The following BATF2 variants were observed in gnomAD, a reference collection of about 807,000 sequenced individuals.
BATF2 encodes basic leucine zipper ATF-like transcription factor 2.
BATF2 carries 4 observed loss-of-function variants against 7.3 expected under a neutral mutation model. The observed-to-expected ratio is 0.55, with a 90% confidence interval of 0.27 to 1.26. BATF2 has a LOEUF of 1.26. Among genes scored for constraint, BATF2 ranks in the 50% most tolerant of loss-of-function variants. BATF2 has a pLI of 0.11. For synonymous variants in BATF2, 152 were observed against 153.9 expected, an observed-to-expected ratio of 0.99 and a Z score of 0.09; for missense variants, 295 against 340.5, an observed-to-expected ratio of 0.87 and a Z score of 1.05.
chr11:64,991,205 G>A (rs1480345421), intron 2 of BATF2, among the ~76,000 whole-genome samples: 1 of 144,484 alleles, frequency 6.9e-6, no homozygotes, highest in African/African-American at 2.6e-5. Flanking sequence ...CGCCCAGGCT[G>A]GAGTGCAATG....
Position 64,989,261 on chromosome 11 carries a change from C to T in BATF2, c.693G>A (p.Gly231=), listed in dbSNP as rs1590719384. 5 of 1,609,600 alleles carry T rather than the reference C, an allele frequency of 3.1e-6. No individual in the cohort carries two copies. The highest frequency in any genetic ancestry group is 1.7e-4 in the Middle Eastern group (1 of 6,024). The change falls in exon 3 of 3, where the codon GGG becomes GGA. Residue 231 remains glycine, a synonymous_variant. Coordinates refer to ENST00000301887, the MANE Select transcript of BATF2 (RefSeq NM_138456.4). This position sits in a 1 kb window ranked among gnomAD's most constrained non-coding sequence, Gnocchi z 4.3. ...SSPDNPSSAL[G]LARLQSREHK... is the part of the protein sequence containing the mutation. ...GCTCCCTGCTCTGCAGACGTGCAAG[C>T]CCCAGGGCAGAGGAAGGGTTGTCGG...
At chr11:64,992,146 C>T (rs1946082075) in intron 2 of BATF2, among the ~76,000 whole-genome samples, 1 of 152,178 alleles carries the variant, frequency 6.6e-6, no homozygotes, top group African/African-American at 2.4e-5. Flanking sequence ...ATTCTCCTGC[C>T]TCAGCTACTG....
rs569150936 is a variant in BATF2, at chr11:64,996,639, T to C, written c.39+237A>G. Among the ~76,000 whole-genome samples the C allele has an allele frequency of 3.3e-5, 5 of 152,228 alleles. No individual in the cohort carries two copies. The South Asian group carries it at 1.0e-3, about 32-fold the overall frequency. Reference sequence around the variant, plus strand: ...AGAGAGCAAGTACACAGAGGCCAAGTTCTAAACCGAAGGCTGGATCTGCAA... The same window carrying C: ...AGAGAGCAAGTACACAGAGGCCAAGCTCTAAACCGAAGGCTGGATCTGCAA... On this transcript the variant is annotated intron_variant, in intron 1 of 2. Coordinates refer to ENST00000301887, the MANE Select transcript of BATF2 (RefSeq NM_138456.4).
chr11:64,989,408 A>T lies in BATF2; in HGVS notation c.546T>A (p.Gly182=). ...PSPLLFASHT[G]SSLQGSSSKL... ...TAGAGGAAGACCCCTGCAGGCTGGAACCAGTGTGCGAGGCAAACAGGAGAG... is the reference window on the plus strand; with the variant it reads ...TAGAGGAAGACCCCTGCAGGCTGGATCCAGTGTGCGAGGCAAACAGGAGAG... Residue 182 remains glycine, a synonymous_variant, in exon 3 of 3, where the codon GGT becomes GGA. Coordinates refer to ENST00000301887, the MANE Select transcript of BATF2 (RefSeq NM_138456.4). The surrounding 1 kb of genome is among the most constrained non-coding windows in gnomAD (Gnocchi z 4.3). 1 of 1,593,488 alleles carries T rather than the reference A, an allele frequency of 6.3e-7. No individual in the cohort carries two copies. The highest frequency in any genetic ancestry group is 1.1e-5 in the South Asian group (1 of 87,698).
rs202003520 is a variant in BATF2, at chr11:64,994,548, T to C, written c.41A>G (p.Asp14Gly). The C allele has an allele frequency of 4.8e-5, 77 of 1,597,456 alleles. No homozygotes were observed. In the East Asian group the frequency reaches 1.7e-3, roughly 36 times the overall value. The change falls in exon 2 of 3, where the codon GAC becomes GGC. Residue 14 changes from aspartate to glycine, a missense_variant and splice_region_variant. Coordinates refer to ENST00000301887, the MANE Select transcript of BATF2 (RefSeq NM_138456.4). ...CGGNGLLTQT[D>G]PKEQQRQLKK... is the part of the protein sequence containing the mutation. ...CAGCTGCCTTTGTTGCTCCTTGGGGTCCTGTGGGGCATGAGGCAGAGGACT... is the reference window on the plus strand; with the variant it reads ...CAGCTGCCTTTGTTGCTCCTTGGGGCCCTGTGGGGCATGAGGCAGAGGACT...
At chr11:64,994,942 G>A (rs1411785588) in intron 1 of BATF2, among the ~76,000 whole-genome samples, 3 of 152,010 alleles carry the variant, frequency 2.0e-5, no homozygotes, top group African/African-American at 7.2e-5. Context: ...TCTGACTCCC[G>A]GGTTCAAGCA....
chr11:64,992,501 T>G (rs1341519396), intron 2 of BATF2, among the ~76,000 whole-genome samples: 2 of 152,174 alleles, frequency 1.3e-5, no homozygotes, highest in Non-Finnish European at 2.9e-5. Flanking sequence ...GAAGGTAATT[T>G]AGATTAAATG....
chr11:64,988,910 C>T lies in BATF2; in HGVS notation c.*219G>A, dbSNP rs940168687. On this transcript the variant is annotated 3_prime_UTR_variant, in exon 3 of 3. Coordinates refer to ENST00000301887, the MANE Select transcript of BATF2 (RefSeq NM_138456.4). ...GTCTGAAAAAGTGGAGTGATAATCT[C>T]GATTTCTCAGGTCAACTGTGAGGTT... 4.0e-5 allele frequency: 23 copies of T among 571,498 alleles called. No homozygotes were observed. The highest frequency in any genetic ancestry group is 2.5e-4 in the Admixed American group (8 of 32,132). 35.4% of individuals were successfully genotyped at this position (571,498 alleles called of 1,614,324 possible).
At chr11:64,990,025 G>C in intron 2 of BATF2, 1 of 1,536,138 alleles carries the variant, frequency 6.5e-7, no homozygotes, top group South Asian at 1.2e-5. Flanking sequence ...GCTCAGATCC[G>C]CCTGCTGTCA....
intron 2 of BATF2, among the ~76,000 whole-genome samples, chr11:64,991,847 C>T (rs1212478712): frequency 2.0e-5 from 3 of 152,148 alleles, no homozygotes; most frequent in Non-Finnish European, 2.9e-5. Context: ...AAGGAATAAA[C>T]GGATGCGTGG....
At position 64,989,966 on chromosome 11, in the gene BATF2, C is replaced by A; in HGVS notation, c.142-154G>T. On this transcript the variant is annotated intron_variant, in intron 2 of 2. Transcript: ENST00000301887. This position sits in a 1 kb window ranked among gnomAD's most constrained non-coding sequence, Gnocchi z 4.3. Reference sequence around the variant, plus strand: ...GGTCTCTTGGCCACTCTCTGGCCAGCCCTTCATAACCACCTACCAAGTCTC... The same window carrying A: ...GGTCTCTTGGCCACTCTCTGGCCAGACCTTCATAACCACCTACCAAGTCTC... 1 of 1,462,874 alleles carries A rather than the reference C, an allele frequency of 6.8e-7. No individual in the cohort carries two copies. The highest frequency in any genetic ancestry group is 2.5e-5 in the East Asian group (1 of 40,340). The allele number at this position is 1,462,874 out of a possible 1,614,324, so 90.6% of individuals were successfully genotyped here.
chr11:64,991,697 G>A (rs1249806680), intron 2 of BATF2, among the ~76,000 whole-genome samples: 1 of 152,188 alleles, frequency 6.6e-6, no homozygotes, highest in Non-Finnish European at 1.5e-5. Flanking sequence ...TTTTGTTTGT[G>A]GGTCTGGCTT....
Position 64,989,685 on chromosome 11 carries a change from G to A in BATF2, c.269C>T (p.Ser90Phe), listed in dbSNP as rs1946057767. ...HERLCPMDCA[S>F]CSAPGLLGCW... ...GCCCAGGAGCCCTGGAGCTGAGCAG[G>A]AGGCACAATCCATGGGGCACAGGCG... The change falls in exon 3 of 3, where the codon TCC becomes TTC. Residue 90 changes from serine (S) to phenylalanine (F), a missense_variant. Ser to Phe is a radical substitution (Grantham distance 155). Transcript: ENST00000301887. This position sits in a 1 kb window ranked among gnomAD's most constrained non-coding sequence, Gnocchi z 4.3. The A allele has an allele frequency of 2.5e-6, 4 of 1,613,854 alleles. No homozygotes were observed. The highest frequency in any genetic ancestry group is 3.4e-6 in the Non-Finnish European group (4 of 1,179,952).
intron 2 of BATF2, chr11:64,990,043 A>G (rs1565165948): frequency 2.6e-6 from 4 of 1,537,228 alleles, no homozygotes; most frequent in Non-Finnish European, 3.5e-6. Flanking sequence ...TCATCCCACC[A>G]CTAGTGCCCT....
chr11:64,995,222 T>G (rs1946102272), intron 1 of BATF2, among the ~76,000 whole-genome samples: 1 of 152,160 alleles, frequency 6.6e-6, no homozygotes, highest in Non-Finnish European at 1.5e-5. Flanking sequence ...AGCAGAGGGT[T>G]AAAGCCCATG....
At chr11:64,996,656 G>T (rs1385394986) in intron 1 of BATF2, among the ~76,000 whole-genome samples, 1 of 152,238 alleles carries the variant, frequency 6.6e-6, no homozygotes, top group Non-Finnish European at 1.5e-5. Flanking sequence ...CCGAAGGCTG[G>T]ATCTGCAATG....
chr11:64,989,109 A>G lies in BATF2; in HGVS notation c.*20T>C. On this transcript the variant is annotated 3_prime_UTR_variant, in exon 3 of 3. Coordinates refer to ENST00000301887, the MANE Select transcript of BATF2 (RefSeq NM_138456.4). The surrounding 1 kb of genome is among the most constrained non-coding windows in gnomAD (Gnocchi z 4.3). ...CTTCCTGAGCCCAAAGAAGGGGCCA[A>G]CCCAGCTCCGAAGACCAGGTTAGAA... 3 of 1,613,846 alleles carry G rather than the reference A, an allele frequency of 1.9e-6. No individual in the cohort carries two copies. The highest frequency in any genetic ancestry group is 1.1e-5 in the South Asian group (1 of 91,048).
Position 64,989,339 on chromosome 11 carries a change from A to T in BATF2, c.615T>A (p.Pro205=), listed in dbSNP as rs760165042. 71 of 1,573,002 alleles carry T rather than the reference A, an allele frequency of 4.5e-5. No homozygotes were observed. The highest frequency in any genetic ancestry group is 6.0e-5 in the Non-Finnish European group (70 of 1,159,070). ...LQPSLTAQTA[P]PQPLELEHPT... Reference sequence around the variant, plus strand: ...GATGCTCCAGCTCGAGGGGCTGTGGAGGGGCAGTTTGGGCCGTGAGGCTGG... The same window carrying T: ...GATGCTCCAGCTCGAGGGGCTGTGGTGGGGCAGTTTGGGCCGTGAGGCTGG... Residue 205 remains proline, a synonymous_variant, in exon 3 of 3, where the codon CCT becomes CCA. Transcript: ENST00000301887. This position sits in a 1 kb window ranked among gnomAD's most constrained non-coding sequence, Gnocchi z 4.3.
intron 2 of BATF2, chr11:64,990,764 G>T: frequency 2.1e-6 from 1 of 481,268 alleles, no homozygotes; most frequent in Non-Finnish European, 2.7e-6. Flanking sequence ...AAGGTGTTTT[G>T]CATAAAAATG....
Sources: gnomAD v4.1 joint callset for allele counts (sites outside exome capture counted in the v4.1 genomes callset) on GRCh38, gnomAD v4.1.1 for gene constraint, Gnocchi (gnomAD v3.1) non-coding constraint, MANE v1.5 for transcripts, NCBI Gene and HGNC (gene_info 2026-07-23, HGNC 2026-07-21) for gene names.